The following ERICH3 variants were observed in gnomAD, a reference collection of about 807,000 sequenced individuals.
ERICH3 encodes glutamate-rich protein 3.
ERICH3 carries 126 observed loss-of-function variants against 131.1 expected under a neutral mutation model. The observed-to-expected ratio is 0.96, with a 90% confidence interval of 0.83 to 1.11. The LOEUF is 1.11. Among genes scored for constraint, ERICH3 ranks in the 50% most tolerant of loss-of-function variants. ERICH3 has a pLI of 0.00. For synonymous variants in ERICH3, 695 were observed against 644.6 expected (o/e 1.08, Z -1.18); for missense variants, 2,050 against 1,810.7 (o/e 1.13, Z -2.40).
chr1:74,597,352 G>T (rs752030595), intron 11 of ERICH3, among the ~76,000 whole-genome samples: 9 of 151,920 alleles, frequency 5.9e-5, no homozygotes, highest in Non-Finnish European at 1.2e-4. Context: ...TTTGATTTCA[G>T]AATGACACTG....
chr1:74,609,126 T>C (rs981712299), intron 9 of ERICH3, among the ~76,000 whole-genome samples: 4 of 152,080 alleles, frequency 2.6e-5, no homozygotes, highest in Non-Finnish European at 5.9e-5. Context: ...GGTTAGGCAA[T>C]TCTTCCCAAG....
intron 1 of ERICH3, among the ~76,000 whole-genome samples, chr1:74,667,933 T>G (rs1646707230): frequency 1.3e-5 from 2 of 152,146 alleles, no homozygotes; most frequent in African/African-American, 4.8e-5. Context: ...CTTGTGACAG[T>G]GAGGGAATTC....
At chr1:74,666,516 AT>A (rs1204011671) in intron 1 of ERICH3, among the ~76,000 whole-genome samples, 1 of 152,190 alleles carries the variant, frequency 6.6e-6, no homozygotes, top group Non-Finnish European at 1.5e-5. Flanking sequence ...CCAGAAAAAC[AT>A]TAATCCAAAA....
rs556421515 is a variant in ERICH3, at chr1:74,632,843, T to C, written c.604-915A>G. ...GGCTACCTTTAGGGATATACCTTCA[T>C]ATTGTTTTAGAGTTTAATCAGCATG... On this transcript the variant is annotated intron_variant, in intron 6 of 14. Coordinates refer to ENST00000326665, the MANE Select transcript of ERICH3 (RefSeq NM_001002912.5). Among the ~76,000 whole-genome samples, 4 of 152,060 alleles carry C rather than the reference T, an allele frequency of 2.6e-5. No homozygotes were observed. The South Asian group carries it at 6.2e-4, about 24-fold the overall frequency.
rs1646712487 is a variant in ERICH3 at position 74,668,553 on chromosome 1, C to G, written c.23+4944G>C. 2.0e-5 allele frequency among the ~76,000 whole-genome samples: 3 copies of G among 152,158 alleles called. 1 individual carries two copies. In the South Asian group the frequency reaches 6.2e-4, roughly 32 times the overall value. On this transcript the variant is annotated intron_variant, in intron 1 of 14. Coordinates refer to ENST00000326665, the MANE Select transcript of ERICH3 (RefSeq NM_001002912.5). ...ATCAAAAACATTTTTTGTGTCTGAT[C>G]ACTATGTGATTTTTGGCTTATAACT...
In ERICH3 at chr1:74,646,800, G is replaced by A. The variant is rs1457431661; in HGVS notation, c.118-8C>T. 3 of 1,400,596 alleles carry A rather than the reference G, an allele frequency of 2.1e-6. No individual in the cohort carries two copies. The highest frequency in any genetic ancestry group is 1.9e-6 in the Non-Finnish European group (2 of 1,034,458). 86.8% of individuals were successfully genotyped at this position (1,400,596 alleles called of 1,614,324 possible). A position where few individuals can be genotyped will look rare whatever the true frequency, so the allele number is the denominator to read the frequency against. On this transcript the variant is annotated splice_polypyrimidine_tract_variant and splice_region_variant and intron_variant, in intron 2 of 14. Coordinates refer to ENST00000326665, the MANE Select transcript of ERICH3 (RefSeq NM_001002912.5). Reference sequence around the variant, plus strand: ...TCTTCCACTTCTTGTGATCTGTCATGAATAAATAAAATATACATAGAAATA... The same window carrying A: ...TCTTCCACTTCTTGTGATCTGTCATAAATAAATAAAATATACATAGAAATA...
At chr1:74,584,281 G>C (rs1647237150) in intron 12 of ERICH3, among the ~76,000 whole-genome samples, 1 of 152,192 alleles carries the variant, frequency 6.6e-6, no homozygotes, top group African/African-American at 2.4e-5. Flanking sequence ...ATAGTAGCCA[G>C]AATAATCTTT....
chr1:74,604,859 T>C (rs1648306789), intron 10 of ERICH3, among the ~76,000 whole-genome samples: 1 of 151,956 alleles, frequency 6.6e-6, no homozygotes, highest in Non-Finnish European at 1.5e-5. Flanking sequence ...GAATGCTAAA[T>C]GAGCATTGGC....
At chr1:74,618,052 C>T (rs1183786873) in intron 8 of ERICH3, among the ~76,000 whole-genome samples, 1 of 152,124 alleles carries the variant, frequency 6.6e-6, no homozygotes, top group South Asian at 2.1e-4. Context: ...TAAAAATTAG[C>T]TGGGCATGGC....
At chr1:74,634,088 AAG>A (rs1255628240) in intron 6 of ERICH3, among the ~76,000 whole-genome samples, 2 of 152,106 alleles carry the variant, frequency 1.3e-5, no homozygotes, top group African/African-American at 4.8e-5. Context: ...AAAAAGCAAT[AAG>A]AGTTTTTTGA....
In ERICH3 at chr1:74,606,858, T is replaced by A. The variant is rs746222873; in HGVS notation, c.1232A>T (p.Lys411Ile). Residue 411 changes from lysine (K) to isoleucine (I), a missense_variant, in exon 10 of 15, where the codon AAA becomes ATA. Transcript: ENST00000326665. ...MGLDKKPSLPKSRKEKSTEKG... is the reference protein window; with the variant it reads ...MGLDKKPSLPISRKEKSTEKG... ...CTCAGTGCTCTTTTCTTTCCTAGAT[T>A]TCGGCAAAGACGGTTTTTTGTCAAG... The A allele has an allele frequency of 1.9e-6, 3 of 1,612,272 alleles. No homozygotes were observed. Among genetic ancestry groups the A allele is most frequent in the Non-Finnish European group, 2.5e-6 (3 of 1,179,196 alleles).
rs1198926149 is a variant in ERICH3 at position 74,571,062 on chromosome 1, C to A, written c.*18+37G>T. The A allele has an allele frequency of 3.8e-6, 6 of 1,560,200 alleles. No individual in the cohort carries two copies. In the Admixed American group the frequency reaches 1.1e-4, roughly 28 times the overall value. On this transcript the variant is annotated intron_variant, in intron 14 of 14. Coordinates refer to ENST00000326665, the MANE Select transcript of ERICH3 (RefSeq NM_001002912.5). The stretch of plus-strand genomic sequence containing the variant: ...GGGGAGGAGACCCACCGCAGGGCTG[C>A]TATTTAGTCCTACAAAGACATTACG...
chr1:74,667,700 G>A (rs1158239236), intron 1 of ERICH3, among the ~76,000 whole-genome samples: 2 of 152,150 alleles, frequency 1.3e-5, no homozygotes, highest in African/African-American at 4.8e-5. Context: ...ATCAAAATAA[G>A]TTAGGCACAT....
intron 1 of ERICH3, among the ~76,000 whole-genome samples, chr1:74,666,711 T>C (rs1310424240): frequency 2.6e-5 from 4 of 152,156 alleles, no homozygotes; most frequent in Non-Finnish European, 5.9e-5. Flanking sequence ...CCCAGAGGTA[T>C]AGTAAATCCT....
chr1:74,618,564 C>T (rs1649083237), intron 8 of ERICH3, among the ~76,000 whole-genome samples: 1 of 152,040 alleles, frequency 6.6e-6, no homozygotes, highest in African/African-American at 2.4e-5. Flanking sequence ...CCCAGGAAGC[C>T]ATGGTTTGTG....
chr1:74,594,169 T>A (rs555211996), intron 11 of ERICH3, among the ~76,000 whole-genome samples: 89 of 152,124 alleles, frequency 5.9e-4, no homozygotes, highest in Non-Finnish European at 1.2e-3. Context: ...TTCCCTAGTT[T>A]ATTTATAACA....
chr1:74,641,557 C>A (rs2100634503), intron 4 of ERICH3, 98 bp from the exon 5 acceptor site: 1 of 1,338,992 alleles, frequency 7.5e-7, no homozygotes, highest in Non-Finnish European at 1.0e-6. Flanking sequence ...TAAAGAAATT[C>A]TTTCTCATTT....
chr1:74,626,754 C>T (rs1313071558), intron 7 of ERICH3, among the ~76,000 whole-genome samples: 1 of 152,102 alleles, frequency 6.6e-6, no homozygotes, highest in East Asian at 1.9e-4. Flanking sequence ...CAGTATAAAG[C>T]TCTGAAGGTG....
chr1:74,595,339 A>C (rs745604918), intron 11 of ERICH3, among the ~76,000 whole-genome samples: 1 of 152,066 alleles, frequency 6.6e-6, no homozygotes, highest in Non-Finnish European at 1.5e-5. Flanking sequence ...TCAAATTCCA[A>C]CTATGAACAG....
Sources: gnomAD v4.1 joint callset for allele counts (sites outside exome capture counted in the v4.1 genomes callset) on GRCh38, gnomAD v4.1.1 for gene constraint, MANE v1.5 for transcripts, NCBI Gene and HGNC (gene_info 2026-07-23, HGNC 2026-07-21) for gene names.